IFT74: variants seen among roughly 807,000 people sequenced by gnomAD.
IFT74 encodes intraflagellar transport protein 74 homolog.
In IFT74, 92 loss-of-function variants were observed where a neutral mutation model predicts 96.7. The observed-to-expected ratio is 0.95, with a 90% CI of 0.80 to 1.13. The LOEUF (loss-of-function observed/expected upper bound fraction) is 1.13. Ranked by LOEUF, IFT74 falls within the 50% of genes most tolerant of loss-of-function variation. The probability of loss-of-function intolerance (pLI) is 0.00; values close to 1 mark genes in which losing one functional copy is unlikely to be tolerated. For missense variants in IFT74, 811 were observed against 698.2 expected, an observed-to-expected ratio of 1.16 and a Z score of -1.82; for synonymous variants, 223 against 213.2, an observed-to-expected ratio of 1.05 and a Z score of -0.40.
intron 10 of IFT74, among the ~76,000 whole-genome samples, chr9:27,012,278 G>T (rs539104098): frequency 4.6e-5 from 7 of 152,112 alleles, no homozygotes; most frequent in Non-Finnish European, 1.0e-4. Context: ...GCTAGAGTGC[G>T]GTGACATGAT....
intron 3 of IFT74, among the ~76,000 whole-genome samples, chr9:26,978,669 A>G (rs1242709793): frequency 1.3e-5 from 2 of 152,210 alleles, no homozygotes; most frequent in Non-Finnish European, 2.9e-5. Flanking sequence ...CTATATAGAA[A>G]TACTCTGAAA....
chr9:26,950,310 CA>C (rs768360968), intron 1 of IFT74, among the ~76,000 whole-genome samples: 259 of 124,172 alleles, frequency 2.1e-3, no homozygotes, highest in Non-Finnish European at 2.1e-3. Flanking sequence ...GACTCTGTCT[CA>C]AAAAAAAAAA....
intron 1 of IFT74, among the ~76,000 whole-genome samples, chr9:26,958,236 A>G (rs894061036): frequency 2.0e-5 from 3 of 152,210 alleles, no homozygotes; most frequent in Non-Finnish European, 4.4e-5. Flanking sequence ...TAAGCAGATC[A>G]TTTCAAGTGG....
chr9:27,050,849 C>T (rs368805993), intron 16 of IFT74, among the ~76,000 whole-genome samples: 1 of 151,720 alleles, frequency 6.6e-6, no homozygotes, highest in Admixed American at 6.6e-5. Context: ...CAAACCTGCA[C>T]GTTGTGCACA....
chr9:27,038,326 G>A (rs907391670), intron 13 of IFT74, among the ~76,000 whole-genome samples: 2 of 152,076 alleles, frequency 1.3e-5, no homozygotes, highest in African/African-American at 2.4e-5. Context: ...GCAATGGCGC[G>A]ATTTTAGCTC....
chr9:26,995,884 A>G (rs1465207997), intron 8 of IFT74: 13 of 1,488,288 alleles, frequency 8.7e-6, no homozygotes, highest in Non-Finnish European at 1.2e-5. Flanking sequence ...GAGAGAAAGA[A>G]AATTTGTTAA....
intron 13 of IFT74, chr9:27,036,682 T>G: frequency 7.6e-7 from 1 of 1,308,168 alleles, no homozygotes; most frequent in Non-Finnish European, 9.7e-7. Context: ...TTTGCTTCTG[T>G]GAAAAAAAAA....
At chr9:26,973,736 C>T (rs1414804245) in intron 2 of IFT74, among the ~76,000 whole-genome samples, 1 of 152,104 alleles carries the variant, frequency 6.6e-6, no homozygotes, top group African/African-American at 2.4e-5. Context: ...TCTCCTTTTA[C>T]CCCAGTTCTT....
chr9:26,992,779 A>T (rs1827945982), intron 8 of IFT74, among the ~76,000 whole-genome samples: 1 of 152,180 alleles, frequency 6.6e-6, no homozygotes, highest in Admixed American at 6.5e-5. Context: ...TGTTAACCAG[A>T]TGGCCAACGT....
At chr9:26,995,449 A>G (rs1292376669) in intron 8 of IFT74, 1 of 842,314 alleles carries the variant, frequency 1.2e-6, no homozygotes, top group African/African-American at 1.7e-5. Context: ...TTGTTATGTC[A>G]CATAGCAAAA....
At chr9:27,051,042 A>G (rs1021645370) in intron 16 of IFT74, among the ~76,000 whole-genome samples, 3 of 152,126 alleles carry the variant, frequency 2.0e-5, no homozygotes, top group African/African-American at 4.8e-5. Flanking sequence ...TAGTGTGACT[A>G]TTTATGCTTT....
intron 12 of IFT74, among the ~76,000 whole-genome samples, chr9:27,027,805 C>T (rs529687845): frequency 6.6e-6 from 1 of 152,132 alleles, no homozygotes; most frequent in Admixed American, 6.5e-5. Flanking sequence ...ATAAAAGTTT[C>T]CAATTTTGAT....
chr9:27,062,774 T>G lies in IFT74; in HGVS notation c.*38T>G. On this transcript the variant is annotated 3_prime_UTR_variant, in exon 20 of 20. Transcript: ENST00000380062. Reference sequence around the variant, plus strand: ...TGAAAGTCTCTAAGGAAGTATCCTCTTGCTGCTAAACTTGGTACAAGTTGA... The same window carrying G: ...TGAAAGTCTCTAAGGAAGTATCCTCGTGCTGCTAAACTTGGTACAAGTTGA... The G allele has an allele frequency of 9.2e-7, 1 of 1,087,072 alleles. No homozygotes were observed. The highest frequency in any genetic ancestry group is 1.4e-6 in the Non-Finnish European group (1 of 734,506). 67.3% of individuals were successfully genotyped at this position (1,087,072 alleles called of 1,614,324 possible).
intron 4 of IFT74, chr9:26,982,353 G>A (rs1014596918): frequency 2.0e-5 from 9 of 440,158 alleles, no homozygotes; most frequent in African/African-American, 6.2e-5. Context: ...AACTTCCACC[G>A]CCTGGATTCA....
At chr9:27,056,588 C>T in intron 18 of IFT74, 129 bp downstream of exon 18, 1 of 694,554 alleles carries the variant, frequency 1.4e-6, no homozygotes, top group Non-Finnish European at 2.3e-6. Flanking sequence ...CAGCCAGATT[C>T]TGTACAGTCT....
At chr9:27,023,415 A>T (rs1829708518) in intron 12 of IFT74, among the ~76,000 whole-genome samples, 1 of 152,166 alleles carries the variant, frequency 6.6e-6, no homozygotes, top group African/African-American at 2.4e-5. Flanking sequence ...TATTGAGATG[A>T]TCATATGAGT....
At chr9:26,963,960 T>G (rs1826489144) in intron 2 of IFT74, among the ~76,000 whole-genome samples, 2 of 152,012 alleles carry the variant, frequency 1.3e-5, no homozygotes, top group South Asian at 4.2e-4. Flanking sequence ...AGAAGCTCTT[T>G]AGTTTAATGA....
At chr9:27,004,964 A>G (rs1563966426) in intron 8 of IFT74, among the ~76,000 whole-genome samples, 2 of 152,166 alleles carry the variant, frequency 1.3e-5, no homozygotes, top group South Asian at 2.1e-4. Context: ...TATGATTATT[A>G]TATGCTATGA....
At chr9:27,037,769 C>G (rs537140840) in intron 13 of IFT74, among the ~76,000 whole-genome samples, 207 of 152,292 alleles carry the variant, frequency 1.4e-3, no homozygotes, top group African/African-American at 4.7e-3. Context: ...TACCTGTGTT[C>G]TGGCAACACA....
Sources: gnomAD v4.1 joint callset for allele counts (sites outside exome capture counted in the v4.1 genomes callset) on GRCh38, gnomAD v4.1.1 for gene constraint, MANE v1.5 for transcripts, NCBI Gene and HGNC (gene_info 2026-07-23, HGNC 2026-07-21) for gene names.